SHISA9: variants seen among roughly 807,000 people sequenced by gnomAD.
The protein encoded by SHISA9 is shisa family member 9.
SHISA9 carries 13 observed loss-of-function variants against 38.0 expected under a neutral mutation model. That is an observed-to-expected ratio of 0.34 (90% confidence interval 0.22 to 0.54). The LOEUF (loss-of-function observed/expected upper bound fraction) is 0.54. Ranked by LOEUF, SHISA9 falls within the 20% of genes least tolerant of loss-of-function variation. SHISA9 has a pLI of 0.91. For synonymous variants in SHISA9, 275 were observed against 242.0 expected, an observed-to-expected ratio of 1.14 and a Z score of -1.27; for missense variants, 538 against 575.8, an observed-to-expected ratio of 0.93 and a Z score of 0.67.
chr16:13,323,636 G>T, the SHISA9 span, among the ~76,000 whole-genome samples: 4 of 152,116 alleles, frequency 2.6e-5, no homozygotes, highest in Non-Finnish European at 5.9e-5. Flanking sequence ...GGAGGCCTCA[G>T]GAAATGTACA....
At chr16:13,373,238 G>A in the SHISA9 span, among the ~76,000 whole-genome samples, 18 of 152,246 alleles carry the variant, frequency 1.2e-4, no homozygotes, top group Non-Finnish European at 2.1e-4. Flanking sequence ...GGTTGAAAGA[G>A]TAATACAGCA....
the SHISA9 span, among the ~76,000 whole-genome samples, chr16:13,362,356 G>T: frequency 6.6e-6 from 1 of 152,092 alleles, no homozygotes; most frequent in Admixed American, 6.5e-5. Flanking sequence ...CGAGCCCAGG[G>T]GATCGAGGCT....
At chr16:13,490,292 G>A in the SHISA9 span, among the ~76,000 whole-genome samples, 2 of 152,338 alleles carry the variant, frequency 1.3e-5, no homozygotes, top group East Asian at 3.9e-4. Context: ...GCCGGGCACA[G>A]TGACGCACAC....
chr16:13,281,582 CT>C, the SHISA9 span, among the ~76,000 whole-genome samples: 1 of 135,270 alleles, frequency 7.4e-6, no homozygotes, highest in Non-Finnish European at 1.6e-5. Flanking sequence ...TCTTTCTTTT[CT>C]TTCTTGGGGT....
chr16:13,033,217 G>C (rs2073012938), intron 2 of SHISA9, among the ~76,000 whole-genome samples: 2 of 152,152 alleles, frequency 1.3e-5, no homozygotes, highest in African/African-American at 4.8e-5. Flanking sequence ...GGTTAGGCTT[G>C]GGTGACATAC....
intron 2 of SHISA9, among the ~76,000 whole-genome samples, chr16:12,951,103 C>T (rs1018162065): frequency 3.3e-5 from 5 of 150,030 alleles, no homozygotes; most frequent in African/African-American, 9.8e-5. Flanking sequence ...CACCTGTAAT[C>T]CCAGCTACTT....
downstream of SHISA9, among the ~76,000 whole-genome samples, chr16:13,240,726 C>A (rs1190363652): frequency 6.6e-6 from 1 of 152,044 alleles, no homozygotes; most frequent in Non-Finnish European, 1.5e-5. Context: ...AATCTTGCTG[C>A]GATTTGAACT....
At chr16:13,491,899 A>T in the SHISA9 span, among the ~76,000 whole-genome samples, 7,881 of 110,332 alleles carry the variant, frequency 0.071, 448 homozygotes, top group South Asian at 0.28. Flanking sequence ...CTGTTCTTGA[A>T]CTCCTGGGCT....
At chr16:13,486,819 C>T in the SHISA9 span, among the ~76,000 whole-genome samples, 1 of 152,212 alleles carries the variant, frequency 6.6e-6, no homozygotes, top group African/African-American at 2.4e-5. Context: ...ATTCTCCTGC[C>T]TCAGCCTCCA....
At chr16:13,156,850 C>T (rs530734390) in intron 2 of SHISA9, among the ~76,000 whole-genome samples, 11 of 152,240 alleles carry the variant, frequency 7.2e-5, no homozygotes, top group South Asian at 4.1e-4. Flanking sequence ...ACTATGGATA[C>T]GTATAATCAG....
chr16:13,216,079 C>A (rs2051165114), intron 4 of SHISA9, among the ~76,000 whole-genome samples: 1 of 151,130 alleles, frequency 6.6e-6, no homozygotes, highest in South Asian at 2.1e-4. Flanking sequence ...CCCAGCTACT[C>A]AGGAGGCTGA....
chr16:13,520,924 C>A, the SHISA9 span, among the ~76,000 whole-genome samples: 1 of 152,108 alleles, frequency 6.6e-6, no homozygotes, highest in African/African-American at 2.4e-5. Context: ...ACACATTGTG[C>A]AATGATCAAA....
At chr16:13,404,429 A>G in the SHISA9 span, among the ~76,000 whole-genome samples, 1 of 152,202 alleles carries the variant, frequency 6.6e-6, no homozygotes, top group East Asian at 1.9e-4. Flanking sequence ...GCCTGAGTGA[A>G]GAGGTAAAAG....
At chr16:13,335,791 A>G in the SHISA9 span, among the ~76,000 whole-genome samples, 1 of 152,120 alleles carries the variant, frequency 6.6e-6, no homozygotes, top group African/African-American at 2.4e-5. Context: ...GGAATCACAG[A>G]GTGAAGGCAT....
At chr16:13,052,608 C>T (rs2141900618) in intron 2 of SHISA9, among the ~76,000 whole-genome samples, 1 of 152,284 alleles carries the variant, frequency 6.6e-6, no homozygotes, top group African/African-American at 2.4e-5. Flanking sequence ...TTTGCAAAAC[C>T]CTATTTAGAT....
intron 3 of SHISA9, 36 bp from the exon 4 acceptor site, chr16:13,213,217 C>G: frequency 6.5e-7 from 1 of 1,547,318 alleles, no homozygotes; most frequent in Non-Finnish European, 8.7e-7. Context: ...GCCCTGCAAA[C>G]AGATCATCAG....
At chr16:13,345,983 C>G in the SHISA9 span, among the ~76,000 whole-genome samples, 1 of 151,982 alleles carries the variant, frequency 6.6e-6, no homozygotes, top group Non-Finnish European at 1.5e-5. Context: ...TTAAAAATTT[C>G]TGTAAGTTTA....
chr16:13,364,060 C>G, the SHISA9 span, among the ~76,000 whole-genome samples: 2 of 152,120 alleles, frequency 1.3e-5, no homozygotes, highest in Non-Finnish European at 2.9e-5. Context: ...TAAGAAACAA[C>G]GAGAAAACAA....
At chr16:13,139,167 C>T (rs1303092908) in intron 2 of SHISA9, among the ~76,000 whole-genome samples, 1 of 152,102 alleles carries the variant, frequency 6.6e-6, no homozygotes, top group African/African-American at 2.4e-5. Context: ...TTCACTTCTT[C>T]ATTTCTCTTC....
Sources: allele counts gnomAD v4.1 joint callset (sites outside exome capture counted in the v4.1 genomes callset), GRCh38; gene constraint gnomAD v4.1.1; transcripts MANE v1.5; gene names NCBI Gene and HGNC (gene_info 2026-07-23, HGNC 2026-07-21).